The following SRBD1 variants were observed in gnomAD, a reference collection of about 807,000 sequenced individuals.
The protein encoded by SRBD1 is S1 RNA-binding domain-containing protein 1.
Under a neutral mutation model 115.3 loss-of-function variants are expected in SRBD1, and 88 were observed. The observed-to-expected ratio is 0.76, with a 90% CI of 0.64 to 0.91. The LOEUF is 0.91. SRBD1 is among the 40% of genes least tolerant of loss of function. The probability of loss-of-function intolerance (pLI) is 0.00; values close to 1 mark genes in which losing one functional copy is unlikely to be tolerated. For synonymous variants in SRBD1, 509 were observed against 407.7 expected, an observed-to-expected ratio of 1.25 and a Z score of -2.99; for missense variants, 1,385 against 1,177.4, an observed-to-expected ratio of 1.18 and a Z score of -2.58.
At chr2:45,609,966 A>G (rs1178805419) in intron 1 of SRBD1, among the ~76,000 whole-genome samples, 1 of 152,222 alleles carries the variant, frequency 6.6e-6, no homozygotes, top group Non-Finnish European at 1.5e-5. Context: ...AATGAACATA[A>G]TATGTACAAA....
chr2:45,610,015 A>G (rs141721921), intron 1 of SRBD1, among the ~76,000 whole-genome samples: 62 of 152,194 alleles, frequency 4.1e-4, no homozygotes, highest in African/African-American at 1.5e-3. Context: ...ATTTTCCACC[A>G]CTCTTAGGCA....
At chr2:45,539,234 T>C (rs1004961795) in intron 14 of SRBD1, among the ~76,000 whole-genome samples, 6 of 151,862 alleles carry the variant, frequency 4.0e-5, no homozygotes, top group African/African-American at 1.5e-4. Context: ...AAGAAATTTT[T>C]TTGCTAAAAA....
intron 9 of SRBD1, among the ~76,000 whole-genome samples, chr2:45,566,064 A>C (rs1672819144): frequency 6.6e-6 from 1 of 152,234 alleles, no homozygotes; most frequent in Non-Finnish European, 1.5e-5. Context: ...TGGACAATAA[A>C]TGTTGGGAGG....
chr2:45,559,299 T>C (rs1316596055), intron 10 of SRBD1, among the ~76,000 whole-genome samples: 1 of 152,196 alleles, frequency 6.6e-6, no homozygotes, highest in Non-Finnish European at 1.5e-5. Context: ...AAAAAATCTT[T>C]AGCATACCTG....
At chr2:45,550,785 T>C (rs1247202567) in intron 12 of SRBD1, among the ~76,000 whole-genome samples, 1 of 152,142 alleles carries the variant, frequency 6.6e-6, no homozygotes, top group African/African-American at 2.4e-5. Flanking sequence ...TCTTTTGGTA[T>C]TTAAAATATA....
At chr2:45,431,756 T>G (rs1407508618) in intron 16 of SRBD1, among the ~76,000 whole-genome samples, 1 of 151,990 alleles carries the variant, frequency 6.6e-6, no homozygotes, top group Non-Finnish European at 1.5e-5. Flanking sequence ...TGTACATGTA[T>G]CCCAGAACTT....
chr2:45,414,757 C>CAT (rs777050468), intron 18 of SRBD1, among the ~76,000 whole-genome samples: 610 of 48,330 alleles, frequency 0.013, 14 homozygotes, highest in Admixed American at 0.018. Context: ...TACACACACA[C>CAT]AGTGTGTATA....
chr2:45,537,521 C>A (rs927457055), intron 14 of SRBD1, among the ~76,000 whole-genome samples: 2 of 152,072 alleles, frequency 1.3e-5, no homozygotes, highest in East Asian at 1.9e-4. Flanking sequence ...ACTGGATGAT[C>A]GAAACAGGAG....
In SRBD1 at chr2:45,478,111, G is replaced by C. The variant is rs148907846; in HGVS notation, c.1967-1036C>G. 2.1e-3 allele frequency among the ~76,000 whole-genome samples: 320 copies of C among 152,174 alleles called. 3 individuals are homozygous for C. The highest frequency in any genetic ancestry group is 7.2e-3 in the African/African-American group (297 of 41,522). ...CTCTCCAGTAGCATATTTACACTGA[G>C]TCTTTATATATATATGAACTGCTTC... On this transcript the variant is annotated intron_variant, in intron 15 of 20. Transcript: ENST00000263736.
Position 45,600,145 on chromosome 2 carries a change from C to T in SRBD1, c.262-310G>A, listed in dbSNP as rs1455609777. On this transcript the variant is annotated intron_variant, in intron 3 of 20. Coordinates refer to ENST00000263736, the MANE Select transcript of SRBD1 (RefSeq NM_018079.5). ...TGGAACTTTTCTGTCATGGTAGATA[C>T]ACAAACCTACATGTGCGATAAAATT... is the stretch of plus-strand genomic sequence containing the variant. 2.0e-5 allele frequency among the ~76,000 whole-genome samples: 3 copies of T among 152,244 alleles called. No homozygotes were observed. In the East Asian group the frequency reaches 5.8e-4, roughly 29 times the overall value.
chr2:45,587,061 A>AAAT (rs1324182393), intron 4 of SRBD1, among the ~76,000 whole-genome samples: 5 of 136,876 alleles, frequency 3.7e-5, no homozygotes, highest in African/African-American at 5.9e-5. Flanking sequence ...AATTATTTTA[A>AAAT]ATTATAAATA....
rs1674237230 is a variant in SRBD1, at chr2:45,605,434, G to T, written c.8C>A (p.Ser3Ter). The change falls in exon 2 of 21, where the codon TCA becomes TAA. Residue 3 changes from serine to a stop codon, truncating the protein, a stop_gained. Coordinates refer to ENST00000263736, the MANE Select transcript of SRBD1 (RefSeq NM_018079.5). LOFTEE classifies it high-confidence loss of function. ...CTGTACTTTCGCTCTTCTTGGCAAT[G>T]ATGACATCTAGAAGAAACAGAAAAT... The part of the protein sequence containing the change: MS[S>*]LPRRAKVQVQ... 1.9e-6 allele frequency: 3 copies of T among 1,613,338 alleles called. No homozygotes were observed. The highest frequency in any genetic ancestry group is 2.5e-6 in the Non-Finnish European group (3 of 1,179,774).
At chr2:45,598,120 T>C (rs1265658883) in intron 4 of SRBD1, among the ~76,000 whole-genome samples, 1 of 152,198 alleles carries the variant, frequency 6.6e-6, no homozygotes, top group Non-Finnish European at 1.5e-5. Flanking sequence ...CTGATGCAGG[T>C]AGTCCATGGA....
At chr2:45,493,690 T>C (rs1231505765) in intron 14 of SRBD1, among the ~76,000 whole-genome samples, 2 of 151,756 alleles carry the variant, frequency 1.3e-5, no homozygotes, top group Admixed American at 6.6e-5. Context: ...GGTACATGCC[T>C]GTAATCCCAG....
intron 14 of SRBD1, among the ~76,000 whole-genome samples, chr2:45,511,188 C>T (rs1367669896): frequency 4.0e-4 from 61 of 152,196 alleles, no homozygotes; most frequent in Admixed American, 4.0e-3. Flanking sequence ...TTTTCTATTG[C>T]TTTGGATGAG....
chr2:45,507,592 G>A (rs1456270836), intron 14 of SRBD1, among the ~76,000 whole-genome samples: 5 of 151,676 alleles, frequency 3.3e-5, no homozygotes, highest in Non-Finnish European at 2.9e-5. Context: ...ATGGTGGCGG[G>A]CACCTATAAT....
chr2:45,562,813 G>A (rs1301806212), intron 9 of SRBD1, 57 bp from the exon 10 acceptor site: 5 of 1,160,798 alleles, frequency 4.3e-6, no homozygotes, highest in South Asian at 1.5e-5. Context: ...AAACAAATCA[G>A]GCGACTATGT....
rs541650354 is a variant in SRBD1, at chr2:45,547,895, G to A, written c.1676-283C>T. 2.6e-5 allele frequency among the ~76,000 whole-genome samples: 4 copies of A among 152,264 alleles called. No individual in the cohort carries two copies. The East Asian group carries it at 7.7e-4, about 29-fold the overall frequency. ...TTTTCACTAACATCTAACATTAATA[G>A]TAGCAAAAGCAAACACTAACTGAAT... is the stretch of plus-strand genomic sequence containing the variant. On this transcript the variant is annotated intron_variant, in intron 12 of 20. Transcript: ENST00000263736.
intron 14 of SRBD1, among the ~76,000 whole-genome samples, chr2:45,488,873 G>A (rs1365113517): frequency 6.6e-6 from 1 of 151,734 alleles, no homozygotes; most frequent in Non-Finnish European, 1.5e-5. Flanking sequence ...AAAAAAAAAG[G>A]GATCAGACAG....
Sources: allele counts gnomAD v4.1 joint callset (sites outside exome capture counted in the v4.1 genomes callset), GRCh38; gene constraint gnomAD v4.1.1; transcripts MANE v1.5; gene names NCBI Gene and HGNC (gene_info 2026-07-23, HGNC 2026-07-21).